Variants in GRM8 observed in about 807,000 individuals in gnomAD.
The protein encoded by GRM8 is glutamate metabotropic receptor 8, also known as metabotropic glutamate receptor 8.
Under a neutral mutation model 87.2 loss-of-function variants are expected in GRM8, and 47 were observed. The observed-to-expected ratio is 0.54, with a 90% CI of 0.43 to 0.69. GRM8 has a LOEUF of 0.69. Ranked by LOEUF, GRM8 falls within the 30% of genes least tolerant of loss-of-function variation. The pLI is 0.00. For synonymous variants in GRM8, 396 were observed against 404.5 expected (o/e 0.98, Z 0.25); for missense variants, 1,019 against 1,139.2 (o/e 0.89, Z 1.52).
intron 3 of GRM8, among the ~76,000 whole-genome samples, chr7:126,933,537 G>T (rs1805976929): frequency 6.6e-6 from 1 of 152,182 alleles, no homozygotes; most frequent in African/African-American, 2.4e-5. Flanking sequence ...AGCACCTGGT[G>T]TTCTTAGCAC....
chr7:126,842,042 A>C (rs1796315199), intron 6 of GRM8, among the ~76,000 whole-genome samples: 1 of 151,788 alleles, frequency 6.6e-6, no homozygotes, highest in East Asian at 1.9e-4. Context: ...ATGATCAATA[A>C]ATTGTTAAAC....
In GRM8 at chr7:126,533,563, G is replaced by A. The variant is rs753153909; in HGVS notation, c.1819C>T (p.Arg607Cys). Residue 607 changes from arginine (R) to cysteine (C), a missense_variant, in exon 9 of 11, where the codon CGC becomes TGC. Arg to Cys is a radical substitution (Grantham distance 180). Coordinates refer to ENST00000339582, the MANE Select transcript of GRM8 (RefSeq NM_000845.3). ...CTCACGATAGGTGTGTCATTATAGCGGACAAAGGTCACGATCACAAAGGTG... is the reference window on the plus strand; with the variant it reads ...CTCACGATAGGTGTGTCATTATAGCAGACAAAGGTCACGATCACAAAGGTG... ...ATTFVIVTFVRYNDTPIVRAS... is the reference protein window; with the variant it reads ...ATTFVIVTFVCYNDTPIVRAS... 7.4e-6 allele frequency: 12 copies of A among 1,613,996 alleles called. No individual in the cohort carries two copies. The highest frequency in any genetic ancestry group is 4.5e-5 in the East Asian group (2 of 44,848).
intron 3 of GRM8, among the ~76,000 whole-genome samples, chr7:127,033,586 T>C (rs1398725779): frequency 2.0e-5 from 3 of 152,166 alleles, no homozygotes; most frequent in African/African-American, 7.2e-5. Context: ...CTCAAAGTTA[T>C]AGAAATCATG....
chr7:126,854,716 T>C (rs1302212344), intron 6 of GRM8, among the ~76,000 whole-genome samples: 1 of 152,244 alleles, frequency 6.6e-6, no homozygotes, highest in Non-Finnish European at 1.5e-5. Context: ...CTGTCTTTAC[T>C]GTGCTTCTGT....
At chr7:126,834,186 A>G (rs1795644471) in intron 6 of GRM8, among the ~76,000 whole-genome samples, 1 of 152,168 alleles carries the variant, frequency 6.6e-6, no homozygotes. Context: ...CCTCTCCCCC[A>G]TTGCCATGGC....
chr7:126,930,110 A>ACATTCT (rs1471164597), intron 3 of GRM8, among the ~76,000 whole-genome samples: 3 of 152,204 alleles, frequency 2.0e-5, no homozygotes, highest in African/African-American at 7.2e-5. Context: ...CTCATGGAGC[A>ACATTCT]AAGCCCTTAC....
chr7:126,999,550 T>C (rs17864092), intron 3 of GRM8, among the ~76,000 whole-genome samples: 18,198 of 151,352 alleles, frequency 0.12, 1,239 homozygotes, highest in Admixed American at 0.18. Flanking sequence ...TAGGAAAAAA[T>C]ACAATAATCT....
At chr7:126,632,653 C>G (rs1053039466) in intron 7 of GRM8, among the ~76,000 whole-genome samples, 1 of 152,086 alleles carries the variant, frequency 6.6e-6, no homozygotes, top group African/African-American at 2.4e-5. Flanking sequence ...CAATAAGAGA[C>G]TGGATAAAGA....
At chr7:126,981,381 A>G (rs1438797684) in intron 3 of GRM8, 1 of 152,196 alleles carries the variant, frequency 6.6e-6, no homozygotes, top group East Asian at 1.9e-4. Context: ...TGGGTAATTT[A>G]TTTTTAAATA....
intron 7 of GRM8, among the ~76,000 whole-genome samples, chr7:126,725,526 T>A (rs1812869089): frequency 6.6e-6 from 1 of 152,208 alleles, no homozygotes; most frequent in South Asian, 2.1e-4. Context: ...GTCTTCTGGC[T>A]TCCAATAGAA....
At chr7:127,242,269 G>A (rs1458103821) in intron 2 of GRM8, among the ~76,000 whole-genome samples, 3 of 152,096 alleles carry the variant, frequency 2.0e-5, no homozygotes, top group African/African-American at 7.2e-5. Flanking sequence ...TGTCATAACA[G>A]AGCATCCCAC....
chr7:126,757,342 TG>T (rs1219341335), intron 7 of GRM8, among the ~76,000 whole-genome samples: 2 of 152,012 alleles, frequency 1.3e-5, no homozygotes, highest in African/African-American at 4.8e-5. Flanking sequence ...GCTGAGGATT[TG>T]GGGGTTTGTT....
chr7:126,819,349 G>C (rs1794089934), intron 6 of GRM8, among the ~76,000 whole-genome samples: 1 of 150,778 alleles, frequency 6.6e-6, no homozygotes, highest in African/African-American at 2.4e-5. Context: ...CCCAGATATA[G>C]AGCCACTTTA....
rs142797096 is a variant in GRM8, at chr7:126,526,649, T to C, written c.2430+6303A>G. ...ATTGAGCAAATATTTATTTGTGCTA[T>C]CAAAGAAGATGGCTTCCCCCAAAAG... On this transcript the variant is annotated intron_variant, in intron 9 of 10. Transcript: ENST00000339582. 7.8e-4 allele frequency among the ~76,000 whole-genome samples: 119 copies of C among 152,332 alleles called. 1 individual carries two copies. The highest frequency in any genetic ancestry group is 3.4e-3 in the Middle Eastern group (1 of 294).
rs530772010 is a variant in GRM8 at position 126,958,314 on chromosome 7, G to C, written c.728-53631C>G. Among the ~76,000 whole-genome samples the C allele has an allele frequency of 3.4e-3, 520 of 152,304 alleles. 3 individuals are homozygous for C. Among genetic ancestry groups the C allele is most frequent in the Middle Eastern group, 0.014 (4 of 294 alleles). On this transcript the variant is annotated intron_variant, in intron 3 of 10. Coordinates refer to ENST00000339582, the MANE Select transcript of GRM8 (RefSeq NM_000845.3). ...CACATTGCAGGCGGTGAGAAGAGCT[G>C]CAGCCCTTCGGGGAGCCCAGACCTA...
chr7:127,204,955 A>G (rs887738928), intron 2 of GRM8, among the ~76,000 whole-genome samples: 26 of 152,204 alleles, frequency 1.7e-4, no homozygotes, highest in African/African-American at 6.3e-4. Flanking sequence ...GGGAGCCTCA[A>G]GAACCACAGT....
At chr7:126,841,598 T>C (rs1166683807) in intron 6 of GRM8, among the ~76,000 whole-genome samples, 1 of 151,950 alleles carries the variant, frequency 6.6e-6, no homozygotes, top group African/African-American at 2.4e-5. Context: ...GAATGAAGTC[T>C]GGCCTGTATT....
At chr7:126,531,587 A>G (rs1288833413) in intron 9 of GRM8, among the ~76,000 whole-genome samples, 1 of 152,134 alleles carries the variant, frequency 6.6e-6, no homozygotes, top group Non-Finnish European at 1.5e-5. Context: ...TATCTTCATC[A>G]CTGCTCCTCA....
chr7:126,970,180 T>TA (rs1447253384), intron 3 of GRM8, among the ~76,000 whole-genome samples: 1 of 152,184 alleles, frequency 6.6e-6, no homozygotes, highest in Non-Finnish European at 1.5e-5. Flanking sequence ...GGCTTCCACT[T>TA]AAAGTCATCA....
Sources: allele counts gnomAD v4.1 joint callset (sites outside exome capture counted in the v4.1 genomes callset), GRCh38; gene constraint gnomAD v4.1.1; transcripts MANE v1.5; gene names NCBI Gene and HGNC (gene_info 2026-07-23, HGNC 2026-07-21).